The following TSPOAP1 variants were observed in gnomAD, a reference collection of about 807,000 sequenced individuals.
TSPOAP1 encodes TSPO associated protein 1.
In TSPOAP1, 87 loss-of-function variants were observed where a neutral mutation model predicts 197.0. The observed-to-expected ratio is 0.44, with a 90% CI of 0.37 to 0.53. The LOEUF is 0.53. TSPOAP1 is among the 20% of genes least tolerant of loss of function. The pLI, the probability that TSPOAP1 is intolerant of heterozygous loss-of-function variation, is 0.00. For missense variants in TSPOAP1, 2,174 were observed against 2,411.3 expected (o/e 0.90, Z 2.06); for synonymous variants, 913 against 998.9 (o/e 0.91, Z 1.62).
chr17:58,305,326 TC>T (rs759533839), intron 29 of TSPOAP1, 60 bp downstream of exon 29: 5 of 1,580,828 alleles, frequency 3.2e-6, no homozygotes, highest in Non-Finnish European at 4.3e-6. Flanking sequence ...TCCTTGCCTA[TC>T]CCCCTGTCCG....
At chr17:58,318,177 G>T (rs1242533879) in intron 14 of TSPOAP1, 103 bp downstream of exon 14, 12 of 1,394,948 alleles carry the variant, frequency 8.6e-6, no homozygotes, top group Non-Finnish European at 2.9e-6. Flanking sequence ...GACCCCAGAA[G>T]TTGCCACCCA....
rs2240260 is a variant in TSPOAP1, at chr17:58,324,223, A to G, written c.942+588T>C. Among the ~76,000 whole-genome samples, 6,696 of 152,186 alleles carry G rather than the reference A, an allele frequency of 0.044. 178 individuals carry two copies. Among genetic ancestry groups the G allele is most frequent in the East Asian group, 0.12 (638 of 5,174 alleles). ...TCTCTCCTCCCAGCCCTCTTCCCAG[A>G]AGGAGGAGGACCTACTTGCTGCCTA... On this transcript the variant is annotated intron_variant, in intron 5 of 31. Coordinates refer to ENST00000343736, the MANE Select transcript of TSPOAP1 (RefSeq NM_004758.4). This position sits in a 1 kb window ranked among gnomAD's most constrained non-coding sequence, Gnocchi z 5.8.
Position 58,311,128 on chromosome 17 carries a change from A to T in TSPOAP1, c.3167T>A (p.Val1056Asp). The change falls in exon 19 of 32, where the codon GTC (valine) becomes GAC (aspartate). Residue 1056 changes from valine to aspartate, a missense_variant. Physicochemically the swap from Val to Asp is radical, Grantham distance 152 (BLOSUM62 -3). Coordinates refer to ENST00000343736, the MANE Select transcript of TSPOAP1 (RefSeq NM_004758.4). ...LQLLQVCREV[V>D]VRTMSPHGES... ...CCCGTGGGGCGACATGGTGCGCACGACCACCTCACGACACACCTGCAGCAG... is the reference window on the plus strand; with the variant it reads ...CCCGTGGGGCGACATGGTGCGCACGTCCACCTCACGACACACCTGCAGCAG... 6.2e-7 allele frequency: 1 copy of T among 1,606,528 alleles called. No homozygotes were observed. The highest frequency in any genetic ancestry group is 8.5e-7 in the Non-Finnish European group (1 of 1,177,228).
intron 16 of TSPOAP1, among the ~76,000 whole-genome samples, chr17:58,314,527 A>G (rs1362325967): frequency 6.6e-6 from 1 of 152,264 alleles, no homozygotes; most frequent in Non-Finnish European, 1.5e-5. Context: ...TGAGGTGGCC[A>G]TAAGCCAAGG....
At chr17:58,321,707 C>T (rs371414153) in intron 10 of TSPOAP1, among the ~76,000 whole-genome samples, 15 of 152,336 alleles carry the variant, frequency 9.8e-5, no homozygotes, top group Admixed American at 5.9e-4. Flanking sequence ...CCCAGGCCAC[C>T]GCCCAGGCCC....
rs866723474 is a variant in TSPOAP1 at position 58,308,638 on chromosome 17, C to A, written c.4634G>T (p.Gly1545Val). Residue 1545 changes from glycine (G) to valine (V), a missense_variant, in exon 22 of 32, where the codon GGC (glycine) becomes GTC (valine). By Grantham distance (109) the Gly-to-Val change is moderately radical. Around this residue, in one of 5 missense-constraint regions of TSPOAP1, gnomAD observed 1,933 missense variants for 2,139.0 expected, o/e 0.90. Coordinates refer to ENST00000343736, the MANE Select transcript of TSPOAP1 (RefSeq NM_004758.4). ...TGGGAGGCGTGGGTAGGGCTTGGGG[C>A]CTGAATTGGCCTTCGGAGGCCCCCT... is the stretch of plus-strand genomic sequence containing the variant. ...RPRGPPKANS[G>V]PKPYPRLPAW... 4 of 1,608,666 alleles carry A rather than the reference C, an allele frequency of 2.5e-6. No homozygotes were observed. Among genetic ancestry groups the A allele is most frequent in the Admixed American group, 3.3e-5 (2 of 59,806 alleles).
At chr17:58,308,378 G>A (rs1000668846) in intron 22 of TSPOAP1, among the ~76,000 whole-genome samples, 163 bp downstream of exon 22, 4 of 152,250 alleles carry the variant, frequency 2.6e-5, no homozygotes, top group Admixed American at 2.6e-4. Flanking sequence ...CAGCAAAGCA[G>A]TGGAATGTGG....
At chr17:58,320,014 G>T in intron 12 of TSPOAP1, 95 bp downstream of exon 12, 2 of 1,481,358 alleles carry the variant, frequency 1.4e-6, no homozygotes, top group Non-Finnish European at 1.9e-6. Flanking sequence ...CACCCCCTCT[G>T]CTGGATGAGA....
At chr17:58,308,148 T>A (rs2057807) in intron 22 of TSPOAP1, among the ~76,000 whole-genome samples, 9 of 152,034 alleles carry the variant, frequency 5.9e-5, no homozygotes, top group Non-Finnish European at 1.5e-5. Flanking sequence ...AGCCCCAGCC[T>A]GCGAGTAGAT....
Position 58,324,738 on chromosome 17 carries a change from G to A in TSPOAP1, c.942+73C>T. 2 of 1,306,100 alleles carry A rather than the reference G, an allele frequency of 1.5e-6. No homozygotes were observed. Among genetic ancestry groups the A allele is most frequent in the Non-Finnish European group, 2.0e-6 (2 of 986,062 alleles). The allele number at this position is 1,306,100 out of a possible 1,614,324, so 80.9% of individuals were successfully genotyped here. On this transcript the variant is annotated intron_variant, in intron 5 of 31. Coordinates refer to ENST00000343736, the MANE Select transcript of TSPOAP1 (RefSeq NM_004758.4). This position sits in a 1 kb window ranked among gnomAD's most constrained non-coding sequence, Gnocchi z 5.8. Reference sequence around the variant, plus strand: ...TCCTTGGGGTTCTGAGCACGGTGCAGGGGAGATCCCGGTGGTCGTTCCCCC... The same window carrying A: ...TCCTTGGGGTTCTGAGCACGGTGCAAGGGAGATCCCGGTGGTCGTTCCCCC...
At chr17:58,321,286 G>T (rs954610747) in intron 10 of TSPOAP1, among the ~76,000 whole-genome samples, 4 of 150,416 alleles carry the variant, frequency 2.7e-5, no homozygotes, top group Non-Finnish European at 5.9e-5. Context: ...ATCCCACGGG[G>T]ATCCTTGTCA....
chr17:58,321,027 G>A (rs1298493112), intron 10 of TSPOAP1, among the ~76,000 whole-genome samples: 1 of 152,080 alleles, frequency 6.6e-6, no homozygotes, highest in Non-Finnish European at 1.5e-5. Context: ...TAAACACACT[G>A]GTGGCTCCAA....
intron 13 of TSPOAP1, 35 bp downstream of exon 13, chr17:58,319,055 G>A: frequency 1.4e-6 from 2 of 1,467,822 alleles, no homozygotes; most frequent in Non-Finnish European, 1.8e-6. Context: ...CCAGGCCTGG[G>A]GATTCCAGGC....
rs769946823 is a variant in TSPOAP1 at position 58,305,060 on chromosome 17, CCTGA to C, written c.5541_5544del (p.Ser1847ArgfsTer14). ...AGCTGGGAGCCCAGCTCCTCACTGA[CCTGA>C]CTCTCAGCCTGGGGTGTCCTGGGTT... On this transcript the variant is annotated frameshift_variant and splice_region_variant, in exon 30 of 32. Coordinates refer to ENST00000343736, the MANE Select transcript of TSPOAP1 (RefSeq NM_004758.4). LOFTEE classifies it high-confidence loss of function. The C allele has an allele frequency of 1.9e-6, 3 of 1,612,862 alleles. No individual in the cohort carries two copies. Among genetic ancestry groups the C allele is most frequent in the Non-Finnish European group, 2.5e-6 (3 of 1,178,930 alleles).
At position 58,326,471 on chromosome 17, in the gene TSPOAP1, C is replaced by T. The variant is rs780251455; in HGVS notation, c.442-50G>A. On this transcript the variant is annotated intron_variant, in intron 2 of 31. Transcript: ENST00000343736. This position sits in a 1 kb window ranked among gnomAD's most constrained non-coding sequence, Gnocchi z 4.7. ...GGGCATGTAGGGAGCACCCCACAGA[C>T]CCAGTCCTAACAGCCCAAGTCTTGG... The T allele has an allele frequency of 6.2e-7, 1 of 1,604,058 alleles. No individual in the cohort carries two copies. The highest frequency in any genetic ancestry group is 1.7e-5 in the Admixed American group (1 of 59,210).
chr17:58,320,506 T>G, intron 11 of TSPOAP1, 25 bp downstream of exon 11: 1 of 1,510,452 alleles, frequency 6.6e-7, no homozygotes, highest in South Asian at 1.3e-5. Flanking sequence ...ATGGTGGAAC[T>G]GGGGGCCACT....
Position 58,302,153 on chromosome 17 carries a change from G to A in TSPOAP1, c.*327C>T, listed in dbSNP as rs117570308. On this transcript the variant is annotated 3_prime_UTR_variant, in exon 32 of 32. Coordinates refer to ENST00000343736, the MANE Select transcript of TSPOAP1 (RefSeq NM_004758.4). ...TCTTTGATTCCCTCTGAATGCCACA[G>A]TGTTAACGCAGAAGAACGGGGGCTC... 616 of 968,340 alleles carry A rather than the reference G, an allele frequency of 6.4e-4. 2 individuals carry two copies. Among genetic ancestry groups the A allele is most frequent in the Non-Finnish European group, 8.2e-4 (602 of 731,288 alleles). 60.0% of individuals were successfully genotyped at this position (968,340 alleles called of 1,614,324 possible).
intron 15 of TSPOAP1, 61 bp from the exon 16 acceptor site, chr17:58,316,193 G>C: frequency 3.7e-6 from 5 of 1,356,532 alleles, no homozygotes; most frequent in Non-Finnish European, 5.3e-6. Context: ...TCCATGTCCT[G>C]TCTTCTCTCT....
chr17:58,303,746 C>A (rs1970787067), intron 31 of TSPOAP1: 1 of 152,308 alleles, frequency 6.6e-6, no homozygotes, highest in Non-Finnish European at 1.5e-5. Flanking sequence ...CTCCTGGGCT[C>A]AAGTGACTCC....
Sources: gnomAD v4.1 joint callset for allele counts (sites outside exome capture counted in the v4.1 genomes callset) on GRCh38, gnomAD v4.1.1 for gene constraint, gnomAD v4.1.1 regional missense constraint, Gnocchi (gnomAD v3.1) non-coding constraint, MANE v1.5 for transcripts, NCBI Gene and HGNC (gene_info 2026-07-23, HGNC 2026-07-21) for gene names.